The following TRIM16 variants were observed in gnomAD, a reference collection of about 807,000 sequenced individuals.
TRIM16 encodes the protein tripartite motif containing 16.
Under a neutral mutation model 50.4 loss-of-function variants are expected in TRIM16, and 33 were observed. The observed-to-expected ratio is 0.65, with a 90% confidence interval of 0.50 to 0.88. The LOEUF (loss-of-function observed/expected upper bound fraction) is 0.88, where lower values mean the gene tolerates loss of function less well. TRIM16 is among the 40% of genes least tolerant of loss of function. TRIM16 has a pLI of 0.00. For synonymous variants in TRIM16, 229 were observed against 270.7 expected (o/e 0.85, Z 1.51); for missense variants, 581 against 686.8 (o/e 0.85, Z 1.72).
At chr17:15,637,117 G>GGC (rs1555553396) in intron 8 of TRIM16, among the ~76,000 whole-genome samples, 3 of 89,242 alleles carry the variant, frequency 3.4e-5, no homozygotes, top group African/African-American at 1.6e-4. Context: ...GAGGGAGGTG[G>GGC]GGGGGGGGGG....
chr17:15,647,652 C>T, intron 7 of TRIM16, among the ~76,000 whole-genome samples: 1 of 152,138 alleles, frequency 6.6e-6, no homozygotes, highest in East Asian at 1.9e-4. Context: ...CCTTGGCTTC[C>T]TGATTAGAGT....
intron 6 of TRIM16, among the ~76,000 whole-genome samples, chr17:15,674,354 G>A (rs888007519): frequency 6.6e-6 from 1 of 151,302 alleles, no homozygotes; most frequent in Non-Finnish European, 1.5e-5. Flanking sequence ...TGGTGACAGA[G>A]CAAGACTCCG....
chr17:15,637,114 G>GT (rs1396983287), intron 8 of TRIM16, among the ~76,000 whole-genome samples: 9 of 118,178 alleles, frequency 7.6e-5, no homozygotes, highest in African/African-American at 2.3e-4. Flanking sequence ...CGGGAGGGAG[G>GT]TGGGGGGGGG....
At chr17:15,661,020 C>A (rs553224101) in intron 6 of TRIM16, among the ~76,000 whole-genome samples, 1 of 151,686 alleles carries the variant, frequency 6.6e-6, no homozygotes, top group South Asian at 2.1e-4. Context: ...AATCAGAAGA[C>A]CTGGTAAATG....
At chr17:15,658,751 T>G (rs1215294343) in intron 6 of TRIM16, 2 of 955,912 alleles carry the variant, frequency 2.1e-6, no homozygotes, top group African/African-American at 3.5e-5. Context: ...ACCACTGAGC[T>G]GGAAGTCGCA....
rs549343092 is a variant in TRIM16, at chr17:15,660,069, T to C, written c.-337-8123A>G. 1.2e-4 allele frequency among the ~76,000 whole-genome samples: 19 copies of C among 152,324 alleles called. No homozygotes were observed. In the South Asian group the frequency reaches 3.5e-3, roughly 28 times the overall value. ...GTGAGGGTGAGGGTCCTCTTGTTTTTACTAGTGAGATATAGCCCTTCAGTG... is the reference window on the plus strand; with the variant it reads ...GTGAGGGTGAGGGTCCTCTTGTTTTCACTAGTGAGATATAGCCCTTCAGTG... On this transcript the variant is annotated intron_variant, in intron 6 of 11. Coordinates refer to ENST00000649191, the MANE Select transcript of TRIM16 (RefSeq NM_001348119.1).
intron 6 of TRIM16, chr17:15,658,811 C>T: frequency 1.0e-6 from 1 of 985,430 alleles, no homozygotes; most frequent in Non-Finnish European, 1.2e-6. Flanking sequence ...CCTGGAGGTG[C>T]AGGCCCAATG....
At chr17:15,670,342 A>G (rs1271234567) in intron 6 of TRIM16, among the ~76,000 whole-genome samples, 1 of 152,208 alleles carries the variant, frequency 6.6e-6, no homozygotes, top group Non-Finnish European at 1.5e-5. Flanking sequence ...ACAGTGCTCC[A>G]GTCAATAACT....
rs61738421 is a variant in TRIM16 at position 15,651,478 on chromosome 17, G to A, written c.132C>T (p.Asp44=). The A allele has an allele frequency of 4.1e-3, 6,681 of 1,611,792 alleles. 42 individuals carry two copies. Among genetic ancestry groups the A allele is most frequent in the Middle Eastern group, 0.015 (88 of 6,046 alleles). Residue 44 remains aspartate (D), a synonymous_variant, in exon 7 of 12, where the codon GAC becomes GAT. Transcript: ENST00000649191. The part of the protein sequence containing the change: ...SGSASPVEEE[D]VGSSEKLGRE... ...TGCCAAGCTTCTCCGAGGAGCCCACGTCCTCTTCTTCCACTGGGCTGGCTG... is the reference window on the plus strand; with the variant it reads ...TGCCAAGCTTCTCCGAGGAGCCCACATCCTCTTCTTCCACTGGGCTGGCTG...
chr17:15,660,411 T>C (rs923507342), intron 6 of TRIM16, among the ~76,000 whole-genome samples: 2 of 152,108 alleles, frequency 1.3e-5, no homozygotes, highest in East Asian at 1.9e-4. Flanking sequence ...AGGACACTCA[T>C]TTGCTCAAAT....
intron 6 of TRIM16, among the ~76,000 whole-genome samples, chr17:15,659,175 G>A (rs559235862): frequency 3.9e-5 from 6 of 152,322 alleles, no homozygotes; most frequent in African/African-American, 7.2e-5. Context: ...AGAAAACACC[G>A]AAGTCAGCTT....
At chr17:15,638,591 C>T (rs1986965504) in intron 8 of TRIM16, among the ~76,000 whole-genome samples, 1 of 149,146 alleles carries the variant, frequency 6.7e-6, no homozygotes, top group East Asian at 2.0e-4. Context: ...GCTGTTTTCT[C>T]TCACTCCTCC....
intron 1 of TRIM16, 97 bp from the exon 2 acceptor site, chr17:15,683,254 G>C (rs1989255041): frequency 1.0e-6 from 1 of 962,788 alleles, no homozygotes; most frequent in East Asian, 2.7e-5. Flanking sequence ...GTCTGACGCA[G>C]TATCTTTTGA....
intron 6 of TRIM16, among the ~76,000 whole-genome samples, chr17:15,667,355 A>G (rs1429847604): frequency 6.6e-6 from 1 of 152,228 alleles, no homozygotes; most frequent in East Asian, 1.9e-4. Context: ...TAAATTTTAA[A>G]AAAAGCCAGT....
intron 6 of TRIM16, among the ~76,000 whole-genome samples, chr17:15,660,552 C>T (rs969377899): frequency 2.0e-5 from 3 of 152,126 alleles, no homozygotes; most frequent in Non-Finnish European, 4.4e-5. Context: ...CAGCCCTCCT[C>T]CAATCATGGT....
In TRIM16 at chr17:15,628,135, C is replaced by T. The variant is rs149446347; in HGVS notation, c.*480G>A. On this transcript the variant is annotated 3_prime_UTR_variant, in exon 12 of 12. Coordinates refer to ENST00000649191, the MANE Select transcript of TRIM16 (RefSeq NM_001348119.1). ...TAAAAATTACTACAAACAGGCAGGG[C>T]GCAGTGGCTCACGCATGTAATCCCA... 8,738 of 153,746 alleles carry T rather than the reference C, an allele frequency of 0.057. 762 individuals are homozygous for T. The highest frequency in any genetic ancestry group is 0.19 in the African/African-American group (7,719 of 41,372). The allele number at this position is 153,746 out of a possible 1,614,324, so 9.5% of individuals were successfully genotyped here.
chr17:15,628,855 G>C lies in TRIM16; in HGVS notation c.1455C>G (p.Thr485=). 1.2e-6 allele frequency: 2 copies of C among 1,614,204 alleles called. No individual in the cohort carries two copies. The highest frequency in any genetic ancestry group is 1.7e-6 in the Non-Finnish European group (2 of 1,180,030). ...TCCGGAAAGGGCCAGCTTTGAGTGG[G>C]GTCTCCATGTCACTGTACCAGGCCG... ...EFTAWYSDME[T]PLKAGPFRRL... The change falls in exon 12 of 12, where the codon ACC becomes ACG. Residue 485 remains threonine (T), a synonymous_variant. Transcript: ENST00000649191.
Position 15,628,564 on chromosome 17 carries a change from G to A in TRIM16, c.*51C>T. On this transcript the variant is annotated 3_prime_UTR_variant, in exon 12 of 12. Coordinates refer to ENST00000649191, the MANE Select transcript of TRIM16 (RefSeq NM_001348119.1). Reference sequence around the variant, plus strand: ...TTCTGCCCCCAAATCACCCTAAAATGCAAATCCCATCACTGTAGCTGGCAA... The same window carrying A: ...TTCTGCCCCCAAATCACCCTAAAATACAAATCCCATCACTGTAGCTGGCAA... 1 of 1,504,966 alleles carries A rather than the reference G, an allele frequency of 6.6e-7. No homozygotes were observed. The highest frequency in any genetic ancestry group is 8.9e-7 in the Non-Finnish European group (1 of 1,124,084). The allele number at this position is 1,504,966 out of a possible 1,614,324, so 93.2% of individuals were successfully genotyped here. A position where few individuals can be genotyped will look rare whatever the true frequency, so the allele number is the denominator to read the frequency against.
rs1597633634 is a variant in TRIM16, at chr17:15,651,501, C to G, written c.109G>C (p.Ala37Pro). Residue 37 changes from alanine to proline, a missense_variant, in exon 7 of 12, where the codon GCC becomes CCC. Transcript: ENST00000649191. ...SGSPSPDSGS[A>P]SPVEEEDVGS... is the part of the protein sequence containing the mutation. ...ACGTCCTCTTCTTCCACTGGGCTGG[C>G]TGACCCAGAATCTGGGCTGGGTGAC... The G allele has an allele frequency of 6.2e-7, 1 of 1,612,568 alleles. No individual in the cohort carries two copies. The highest frequency in any genetic ancestry group is 8.5e-7 in the Non-Finnish European group (1 of 1,179,088).
Sources: allele counts gnomAD v4.1 joint callset (sites outside exome capture counted in the v4.1 genomes callset), GRCh38; gene constraint gnomAD v4.1.1; transcripts MANE v1.5; gene names NCBI Gene and HGNC (gene_info 2026-07-23, HGNC 2026-07-21).